Variants in DNAJC13 observed in about 807,000 individuals in gnomAD.
DNAJC13 encodes DnaJ heat shock protein family (Hsp40) member C13, also known as dnaJ homolog subfamily C member 13.
A neutral mutation model predicts 290.5 loss-of-function variants in DNAJC13; 75 were observed. That is an observed-to-expected ratio of 0.26 (90% CI 0.21 to 0.31). DNAJC13 has a LOEUF of 0.31. Among genes scored for constraint, DNAJC13 ranks in the 10% least tolerant of loss-of-function variants. DNAJC13 has a pLI of 1.00. For synonymous variants in DNAJC13, 862 were observed against 892.0 expected (o/e 0.97, Z 0.60); for missense variants, 2,260 against 2,674.5 (o/e 0.85, Z 3.42).
At chr3:132,528,385 A>G (rs537310057) in intron 54 of DNAJC13, 53 bp downstream of exon 54, 3 of 1,605,064 alleles carry the variant, frequency 1.9e-6, no homozygotes, top group African/African-American at 2.7e-5. Flanking sequence ...GGTCTTGGCC[A>G]TGGATGGTCC....
chr3:132,447,456 C>T lies in DNAJC13; in HGVS notation c.280C>T (p.Leu94Phe). Residue 94 changes from leucine (L) to phenylalanine (F), a missense_variant, in exon 4 of 56, where the codon CTT (leucine) becomes TTT (phenylalanine). Physicochemically the swap from Leu to Phe is conservative, Grantham distance 22. Around this residue, in one of 3 missense-constraint regions of DNAJC13, gnomAD observed 762 missense variants for 964.1 expected, o/e 0.79. Coordinates refer to ENST00000260818, the MANE Select transcript of DNAJC13 (RefSeq NM_015268.4). ...TTCTACAGAGCACAGAACAGAACTTCTTACAGAAGCATTGGTAAGAAGATT... is the reference window on the plus strand; with the variant it reads ...TTCTACAGAGCACAGAACAGAACTTTTTACAGAAGCATTGGTAAGAAGATT... ...KFSTEHRTEL[L>F]TEALRFRTDF... 6.4e-7 allele frequency: 1 copy of T among 1,574,680 alleles called. No individual in the cohort carries two copies. Among genetic ancestry groups the T allele is most frequent in the Non-Finnish European group, 8.6e-7 (1 of 1,167,944 alleles).
In DNAJC13 at chr3:132,425,042, C is replaced by G. The variant is rs16839238; in HGVS notation, c.-14+7282C>G. Among the ~76,000 whole-genome samples the G allele has an allele frequency of 7.5e-3, 1,137 of 152,156 alleles. 20 individuals carry two copies. Among genetic ancestry groups the G allele is most frequent in the African/African-American group, 0.026 (1,074 of 41,536 alleles). On this transcript the variant is annotated intron_variant, in intron 1 of 55. Coordinates refer to ENST00000260818, the MANE Select transcript of DNAJC13 (RefSeq NM_015268.4). ...AAAAATGAACATTCTGTTAGCCATT[C>G]ATATTTTTTACCATTTGTTTGAAAC...
chr3:132,500,925 C>G lies in DNAJC13; in HGVS notation c.4536+12C>G. ...TATATTTTGGCAAGGTAGGGTTAAT[C>G]TTTAATGCTTTCTAGATACAGACAG... On this transcript the variant is annotated intron_variant, in intron 39 of 55. Transcript: ENST00000260818. 6.2e-7 allele frequency: 1 copy of G among 1,613,050 alleles called. No individual in the cohort carries two copies. The highest frequency in any genetic ancestry group is 8.5e-7 in the Non-Finnish European group (1 of 1,179,362).
intron 2 of DNAJC13, among the ~76,000 whole-genome samples, chr3:132,438,931 A>G (rs1018507744): frequency 2.0e-5 from 3 of 152,202 alleles, no homozygotes; most frequent in Non-Finnish European, 4.4e-5. Flanking sequence ...GAAGGAGAAA[A>G]ATTTCTGTTT....
Position 132,456,237 on chromosome 3 carries a change from A to G in DNAJC13, c.935A>G (p.Asp312Gly). The change falls in exon 10 of 56, where the codon GAT (aspartate) becomes GGT (glycine). Residue 312 changes from aspartate (D) to glycine (G), a missense_variant and splice_region_variant. Around this residue, in one of 3 missense-constraint regions of DNAJC13, gnomAD observed 762 missense variants for 964.1 expected, o/e 0.79. Coordinates refer to ENST00000260818, the MANE Select transcript of DNAJC13 (RefSeq NM_015268.4). Reference sequence around the variant, plus strand: ...TTTTTACTTTTAATCTTACTTAGAGATTCCTTATTAGCAAGTTTGCTGGAT... The same window carrying G: ...TTTTTACTTTTAATCTTACTTAGAGGTTCCTTATTAGCAAGTTTGCTGGAT... ...QVRKYSSTERDSLLASLLDGV... is the reference protein window; with the variant it reads ...QVRKYSSTERGSLLASLLDGV... 6.2e-7 allele frequency: 1 copy of G among 1,610,104 alleles called. No individual in the cohort carries two copies. The highest frequency in any genetic ancestry group is 8.5e-7 in the Non-Finnish European group (1 of 1,178,852).
chr3:132,531,034 G>T lies in DNAJC13; in HGVS notation c.6562G>T (p.Ala2188Ser). 1 of 1,614,104 alleles carries T rather than the reference G, an allele frequency of 6.2e-7. No homozygotes were observed. The highest frequency in any genetic ancestry group is 1.7e-5 in the Admixed American group (1 of 60,024). The change falls in exon 55 of 56, where the codon GCC becomes TCC. Residue 2188 changes from alanine to serine, a missense_variant. By Grantham distance (99) the Ala-to-Ser change is moderately conservative. This residue lies in a region of DNAJC13 where 1,494 missense variants were observed against 1,693.7 expected (regional missense o/e 0.88). Transcript: ENST00000260818. ...CCTGTGCCGTTCTTCAGTCTGGAGT[G>T]CCTTCAAAGATCAGAAACATGATTT... ...EILCRSSVWS[A>S]FKDQKHDLFI...
rs192653158 is a variant in DNAJC13 at position 132,496,883 on chromosome 3, A to G, written c.4156+220A>G. On this transcript the variant is annotated intron_variant, in intron 36 of 55. Transcript: ENST00000260818. ...TCCCTTCATAACTATGTTTTTCAGT[A>G]TTTTGCATTTCTGACATCTTCGCTC... 1.3e-3 allele frequency among the ~76,000 whole-genome samples: 192 copies of G among 152,242 alleles called. 1 individual carries two copies. Among genetic ancestry groups the G allele is most frequent in the African/African-American group, 4.5e-3 (186 of 41,556 alleles).
chr3:132,472,535 TC>T (rs1043171893), intron 20 of DNAJC13: 17 of 984,644 alleles, frequency 1.7e-5, no homozygotes, highest in Non-Finnish European at 2.0e-5. Flanking sequence ...TAACTTTTTT[TC>T]CTTTTTACGA....
At chr3:132,498,477 C>A (rs974740463) in intron 36 of DNAJC13, among the ~76,000 whole-genome samples, 7 of 152,094 alleles carry the variant, frequency 4.6e-5, no homozygotes, top group African/African-American at 1.7e-4. Context: ...TTACAAAGAT[C>A]AGCATAGAAA....
intron 20 of DNAJC13, among the ~76,000 whole-genome samples, chr3:132,469,227 A>C (rs1934102049): frequency 6.6e-6 from 1 of 152,220 alleles, no homozygotes; most frequent in Admixed American, 6.5e-5. Flanking sequence ...TATTTTATTA[A>C]TAGAAACACT....
intron 2 of DNAJC13, among the ~76,000 whole-genome samples, chr3:132,441,716 C>T (rs62292895): frequency 1.1e-4 from 16 of 152,088 alleles, no homozygotes; most frequent in African/African-American, 2.4e-4. Context: ...GTTATGATGG[C>T]GACCAGTATT....
chr3:132,498,086 T>C (rs900749628), intron 36 of DNAJC13, among the ~76,000 whole-genome samples: 10 of 152,300 alleles, frequency 6.6e-5, no homozygotes, highest in African/African-American at 2.2e-4. Flanking sequence ...AACAGAGTAA[T>C]TAGGCATGTA....
At chr3:132,474,884 T>A (rs1576483838) in intron 21 of DNAJC13, 48 bp from the exon 22 acceptor site, 1 of 1,164,512 alleles carries the variant, frequency 8.6e-7, no homozygotes, top group Non-Finnish European at 1.1e-6. Context: ...ATAGATTTTT[T>A]AAAATGCTTA....
rs1935388742 is a variant in DNAJC13, at chr3:132,500,933, C to T, written c.4536+20C>T. The T allele has an allele frequency of 1.2e-6, 2 of 1,612,124 alleles. No homozygotes were observed. Among genetic ancestry groups the T allele is most frequent in the Admixed American group, 1.7e-5 (1 of 59,924 alleles). ...GGCAAGGTAGGGTTAATCTTTAATG[C>T]TTTCTAGATACAGACAGCAAAGTGT... is the stretch of plus-strand genomic sequence containing the variant. On this transcript the variant is annotated intron_variant, in intron 39 of 55. Transcript: ENST00000260818.
intron 1 of DNAJC13, among the ~76,000 whole-genome samples, chr3:132,429,153 A>C (rs150307597): frequency 2.5e-3 from 377 of 152,344 alleles, no homozygotes; most frequent in Non-Finnish European, 4.0e-3. Flanking sequence ...TGAATATGGT[A>C]ATTTGTTTTA....
chr3:132,433,346 C>G (rs887095061), intron 1 of DNAJC13, among the ~76,000 whole-genome samples: 6 of 152,224 alleles, frequency 3.9e-5, no homozygotes, highest in African/African-American at 1.2e-4. Flanking sequence ...ATCCTCCCAC[C>G]TCAGCCTCAG....
At chr3:132,505,786 C>T (rs917842187) in intron 42 of DNAJC13, among the ~76,000 whole-genome samples, 2 of 150,674 alleles carry the variant, frequency 1.3e-5, no homozygotes, top group Non-Finnish European at 3.0e-5. Context: ...ATTACTGAGC[C>T]GTGAAAAAAA....
intron 53 of DNAJC13, 150 bp from the exon 54 acceptor site, chr3:132,528,039 A>C: frequency 1.3e-6 from 1 of 743,310 alleles, no homozygotes; most frequent in Non-Finnish European, 2.2e-6. Context: ...TCATTAAATA[A>C]AAATGTCATT....
intron 29 of DNAJC13, among the ~76,000 whole-genome samples, chr3:132,487,112 T>G (rs1372265179): frequency 6.6e-6 from 1 of 152,126 alleles, no homozygotes; most frequent in African/African-American, 2.4e-5. Flanking sequence ...AAATTCCTTG[T>G]GGAATAGATA....
Sources: allele counts gnomAD v4.1 joint callset (sites outside exome capture counted in the v4.1 genomes callset), GRCh38; gene constraint gnomAD v4.1.1; regional missense constraint gnomAD v4.1.1; transcripts MANE v1.5; gene names NCBI Gene and HGNC (gene_info 2026-07-23, HGNC 2026-07-21).